The following ANO3 variants were observed in gnomAD, a reference collection of about 807,000 sequenced individuals.
ANO3 encodes the protein anoctamin-3.
Under a neutral mutation model 144.8 loss-of-function variants are expected in ANO3, and 99 were observed. That is an observed-to-expected ratio of 0.68 (90% CI 0.58 to 0.81). ANO3 has a LOEUF of 0.81. Among genes scored for constraint, ANO3 ranks in the 30% least tolerant of loss-of-function variants. The pLI is 0.00. For missense variants in ANO3, 905 were observed against 1,202.2 expected (o/e 0.75, Z 3.66); for synonymous variants, 414 against 392.6 (o/e 1.05, Z -0.64).
chr11:26,493,525 A>G (rs1860800512), intron 4 of ANO3, among the ~76,000 whole-genome samples: 2 of 152,158 alleles, frequency 1.3e-5, no homozygotes, highest in Admixed American at 1.3e-4. Context: ...AGCAGCAGAG[A>G]GCTAGATTTT....
chr11:26,210,572 G>C (rs371331763), intron 1 of ANO3, among the ~76,000 whole-genome samples: 1 of 152,124 alleles, frequency 6.6e-6, no homozygotes, highest in Non-Finnish European at 1.5e-5. Flanking sequence ...ATTACTTTGG[G>C]CAGTATGGCC....
chr11:26,207,536 A>C (rs1851829755), intron 1 of ANO3, among the ~76,000 whole-genome samples: 1 of 152,208 alleles, frequency 6.6e-6, no homozygotes, highest in Non-Finnish European at 1.5e-5. Flanking sequence ...TTAAGTACTT[A>C]TTCAGTACGA....
intron 1 of ANO3, among the ~76,000 whole-genome samples, chr11:26,272,047 C>T (rs1853450848): frequency 6.6e-6 from 1 of 152,032 alleles, no homozygotes; most frequent in Non-Finnish European, 1.5e-5. Context: ...TTTTGAGTAT[C>T]TATTGAAAAT....
At chr11:26,361,874 T>G (rs1590292410) in intron 1 of ANO3, among the ~76,000 whole-genome samples, 1 of 152,200 alleles carries the variant, frequency 6.6e-6, no homozygotes, top group South Asian at 2.1e-4. Context: ...CTTCTAAAAA[T>G]GCTTTTTGTT....
intron 11 of ANO3, among the ~76,000 whole-genome samples, chr11:26,544,449 G>C (rs1400364679): frequency 6.6e-6 from 1 of 151,006 alleles, no homozygotes; most frequent in African/African-American, 2.4e-5. Flanking sequence ...AGAGGAGGCA[G>C]AGGTTGGGGA....
intron 5 of ANO3, among the ~76,000 whole-genome samples, chr11:26,512,587 T>A (rs1861708022): frequency 6.6e-6 from 1 of 152,342 alleles, no homozygotes; most frequent in African/African-American, 2.4e-5. Flanking sequence ...AGAAGGTTAT[T>A]CCTGTTGGTT....
At chr11:26,514,521 G>A (rs966397753) in intron 5 of ANO3, among the ~76,000 whole-genome samples, 1 of 152,070 alleles carries the variant, frequency 6.6e-6, no homozygotes, top group Non-Finnish European at 1.5e-5. Context: ...AGGCCATAGA[G>A]CTAGTAAATG....
At position 26,441,279 on chromosome 11, in the gene ANO3, G is replaced by T. The variant is rs376229677; in HGVS notation, c.47-639G>T. Among the ~76,000 whole-genome samples the T allele has an allele frequency of 3.6e-3, 542 of 151,074 alleles. 3 individuals are homozygous for T. Among genetic ancestry groups the T allele is most frequent in the African/African-American group, 0.013 (527 of 41,198 alleles). On this transcript the variant is annotated intron_variant, in intron 1 of 26. Transcript: ENST00000256737. Reference sequence around the variant, plus strand: ...ACTACAGGCGCCCGCCACTACGCCCGGCTAATTTTTTGTATTTTTAGTAGA... The same window carrying T: ...ACTACAGGCGCCCGCCACTACGCCCTGCTAATTTTTTGTATTTTTAGTAGA...
Position 26,563,250 on chromosome 11 carries a change from C to T in ANO3, c.1447+3471C>T, listed in dbSNP as rs1590538502. ...ACCTAAAATGGCCCCGAATACTATT[C>T]CTGTATTTCTATTTTCTACAGGACA... On this transcript the variant is annotated intron_variant, in intron 14 of 26. Transcript: ENST00000256737. 6.3e-6 allele frequency: 10 copies of T among 1,597,352 alleles called. No homozygotes were observed. In the East Asian group the frequency reaches 2.3e-4, roughly 36 times the overall value.
chr11:26,553,863 G>A (rs779539810), intron 13 of ANO3, among the ~76,000 whole-genome samples: 3 of 151,832 alleles, frequency 2.0e-5, no homozygotes, highest in Non-Finnish European at 4.4e-5. Flanking sequence ...AATTTTCCTG[G>A]GTGATTTCAA....
At chr11:26,643,145 G>C (rs1293812923) in intron 22 of ANO3, 37 bp from the exon 23 acceptor site, 1 of 1,602,140 alleles carries the variant, frequency 6.2e-7, no homozygotes, top group Non-Finnish European at 8.5e-7. Flanking sequence ...CACAAAGGAA[G>C]TTTATATAGT....
chr11:26,300,855 C>CT (rs376885670), intron 1 of ANO3, among the ~76,000 whole-genome samples: 7,081 of 129,006 alleles, frequency 0.055, 702 homozygotes, highest in African/African-American at 0.18. Flanking sequence ...TCTTTTTTTT[C>CT]TTTTTTTTTT....
intron 1 of ANO3, among the ~76,000 whole-genome samples, chr11:26,255,440 G>T (rs1179242308): frequency 1.3e-5 from 2 of 152,060 alleles, no homozygotes; most frequent in African/African-American, 2.4e-5. Context: ...GAACATTGAT[G>T]GCAGATAGTA....
intron 1 of ANO3, among the ~76,000 whole-genome samples, chr11:26,355,815 C>A (rs1386382353): frequency 6.6e-6 from 1 of 152,160 alleles, no homozygotes; most frequent in Non-Finnish European, 1.5e-5. Flanking sequence ...CCGCCTTGGC[C>A]TCCCAAAGTG....
At chr11:26,246,364 A>T (rs952170878) in intron 1 of ANO3, among the ~76,000 whole-genome samples, 1 of 151,526 alleles carries the variant, frequency 6.6e-6, no homozygotes, top group Non-Finnish European at 1.5e-5. Context: ...GTCAAAAAGG[A>T]TCTGTTAATG....
chr11:26,642,891 C>T (rs1311392679), intron 22 of ANO3, among the ~76,000 whole-genome samples: 2 of 151,926 alleles, frequency 1.3e-5, no homozygotes, highest in African/African-American at 4.8e-5. Flanking sequence ...CATCTTCCCT[C>T]TATTTCTTCT....
At position 26,471,363 on chromosome 11, in the gene ANO3, T is replaced by C. The variant is rs191185071; in HGVS notation, c.432+8215T>C. ...CCTCCTGTAACTAGATTGACCTGTT[T>C]GTAATTTATTCTTGTATCAACAAAC... On this transcript the variant is annotated intron_variant, in intron 4 of 26. Transcript: ENST00000256737. Among the ~76,000 whole-genome samples the C allele has an allele frequency of 3.1e-3, 479 of 152,104 alleles. 5 individuals carry two copies. Among genetic ancestry groups the C allele is most frequent in the African/African-American group, 0.011 (443 of 41,534 alleles).
chr11:26,651,075 A>G (rs965756909), intron 24 of ANO3, among the ~76,000 whole-genome samples: 3 of 152,220 alleles, frequency 2.0e-5, no homozygotes, highest in African/African-American at 7.2e-5. Flanking sequence ...TCTGATAAAA[A>G]TAAATGGTGA....
chr11:26,461,937 T>A (rs1489648485), intron 3 of ANO3, among the ~76,000 whole-genome samples: 1 of 152,018 alleles, frequency 6.6e-6, no homozygotes, highest in East Asian at 1.9e-4. Flanking sequence ...TAGGTCTAAG[T>A]GTAACCACTA....
Sources: gnomAD v4.1 joint callset for allele counts (sites outside exome capture counted in the v4.1 genomes callset) on GRCh38, gnomAD v4.1.1 for gene constraint, MANE v1.5 for transcripts, NCBI Gene and HGNC (gene_info 2026-07-23, HGNC 2026-07-21) for gene names.